ERICH3: variants seen among roughly 807,000 people sequenced by gnomAD.
The protein encoded by ERICH3 is glutamate rich 3, also known as glutamate-rich protein 3.
ERICH3 carries 126 observed loss-of-function variants against 131.1 expected under a neutral mutation model. The observed-to-expected ratio is 0.96, with a 90% CI of 0.83 to 1.11. The LOEUF is 1.11. ERICH3 is among the 50% of genes most tolerant of loss of function. ERICH3 has a pLI of 0.00. For synonymous variants in ERICH3, 695 were observed against 644.6 expected (o/e 1.08, Z -1.18); for missense variants, 2,050 against 1,810.7 (o/e 1.13, Z -2.40).
intron 6 of ERICH3, among the ~76,000 whole-genome samples, chr1:74,635,291 C>A (rs1206938231): frequency 1.3e-5 from 2 of 152,076 alleles, no homozygotes; most frequent in Non-Finnish European, 2.9e-5. Flanking sequence ...GGATTAATTT[C>A]TCTTGGTTTC....
At chr1:74,594,369 C>A (rs1460261982) in intron 11 of ERICH3, among the ~76,000 whole-genome samples, 1 of 151,306 alleles carries the variant, frequency 6.6e-6, no homozygotes, top group Non-Finnish European at 1.5e-5. Context: ...ATACGCCTGA[C>A]CAAGGGCACC....
Position 74,571,640 on chromosome 1 carries a change from C to G in ERICH3, c.4070G>C (p.Arg1357Thr). ...GETAETAAEE[R>T]EVLAGSETAE... The stretch of plus-strand genomic sequence containing the variant: ...TGTCTCCGAACCTGCCAACACCTCC[C>G]TCTCCTCTGCGGCTGTTTCTGCCGT... The change falls in exon 14 of 15, where the codon AGG (arginine) becomes ACG (threonine). Residue 1357 changes from arginine to threonine, a missense_variant. Arg to Thr is a moderately conservative substitution (Grantham distance 71, BLOSUM62 -1). Transcript: ENST00000326665. 1 of 1,614,192 alleles carries G rather than the reference C, an allele frequency of 6.2e-7. No homozygotes were observed. Among genetic ancestry groups the G allele is most frequent in the Admixed American group, 1.7e-5 (1 of 60,038 alleles).
At chr1:74,658,107 G>C (rs1024474416) in intron 1 of ERICH3, among the ~76,000 whole-genome samples, 13 of 152,136 alleles carry the variant, frequency 8.5e-5, no homozygotes, top group African/African-American at 3.1e-4. Flanking sequence ...CAGATGTAGA[G>C]TGGTTAGATA....
intron 9 of ERICH3, 89 bp downstream of exon 9, chr1:74,612,534 A>AT (rs1648745138): frequency 5.0e-6 from 6 of 1,210,266 alleles, no homozygotes; most frequent in Admixed American, 2.6e-5. Flanking sequence ...AATTTCCTTA[A>AT]TAATTGTGAA....
intron 6 of ERICH3, 72 bp from the exon 7 acceptor site, chr1:74,632,000 A>G: frequency 2.2e-6 from 3 of 1,368,932 alleles, no homozygotes; most frequent in Non-Finnish European, 3.0e-6. Flanking sequence ...AAATTTAAAG[A>G]CAAGCCTAAA....
intron 12 of ERICH3, chr1:74,579,761 T>C (rs1480319458): frequency 3.0e-6 from 3 of 985,298 alleles, no homozygotes; most frequent in Non-Finnish European, 3.6e-6. Context: ...TATCACTTTG[T>C]TGCCTCTCTG....
At chr1:74,655,503 C>T (rs1394403701) in intron 1 of ERICH3, among the ~76,000 whole-genome samples, 1 of 152,188 alleles carries the variant, frequency 6.6e-6, no homozygotes, top group East Asian at 1.9e-4. Context: ...TCAACTATTT[C>T]TCACAATGAT....
intron 1 of ERICH3, among the ~76,000 whole-genome samples, chr1:74,656,422 C>T (rs1646584108): frequency 6.6e-6 from 1 of 152,158 alleles, no homozygotes; most frequent in Non-Finnish European, 1.5e-5. Context: ...TTTGAAACAA[C>T]TCCATCACAA....
chr1:74,596,683 C>A (rs1367481321), intron 11 of ERICH3, among the ~76,000 whole-genome samples: 1 of 152,098 alleles, frequency 6.6e-6, no homozygotes, highest in Non-Finnish European at 1.5e-5. Context: ...CTTTTCCCCT[C>A]AACCTTATAA....
In ERICH3 at chr1:74,667,786, C is replaced by A. The variant is rs111640009; in HGVS notation, c.23+5711G>T. 1.4e-3 allele frequency among the ~76,000 whole-genome samples: 219 copies of A among 152,214 alleles called. 1 individual carries two copies. Among genetic ancestry groups the A allele is most frequent in the African/African-American group, 5.1e-3 (211 of 41,514 alleles). On this transcript the variant is annotated intron_variant, in intron 1 of 14. Coordinates refer to ENST00000326665, the MANE Select transcript of ERICH3 (RefSeq NM_001002912.5). ...GAAACCCAAAGACTTTCCTGGGGGA[C>A]CTTGGATAAGGATAGTTGATATCGT...
upstream of ERICH3, among the ~76,000 whole-genome samples, chr1:74,674,265 T>TG (rs1244456555): frequency 2.0e-5 from 3 of 152,112 alleles, no homozygotes; most frequent in Admixed American, 6.5e-5. Context: ...TTTCAGAAGA[T>TG]GGGGGAGACG....
intron 1 of ERICH3, among the ~76,000 whole-genome samples, chr1:74,670,830 T>A (rs747148909): frequency 3.3e-5 from 5 of 152,164 alleles, no homozygotes; most frequent in Non-Finnish European, 5.9e-5. Context: ...CAAATGGACA[T>A]GCAAGTAGGA....
chr1:74,571,870 T>G lies in ERICH3; in HGVS notation c.3840A>C (p.Ile1280=), dbSNP rs1481951918. 1 of 1,611,878 alleles carries G rather than the reference T, an allele frequency of 6.2e-7. No homozygotes were observed. Among genetic ancestry groups the G allele is most frequent in the African/African-American group, 1.3e-5 (1 of 74,936 alleles). ...CTTCCTCCCTGAACTTTTCTGCCAT[T>G]ATGGGATCTTCCTCAGCAACAGCTT... ...TQEAVAEEDP[I]MAEKFREEAV... is the part of the protein sequence containing the mutation. The change falls in exon 14 of 15, where the codon ATA becomes ATC. Residue 1280 remains isoleucine, a synonymous_variant. Transcript: ENST00000326665.
At chr1:74,642,023 G>C (rs1224807027) in intron 4 of ERICH3, among the ~76,000 whole-genome samples, 1 of 152,088 alleles carries the variant, frequency 6.6e-6, no homozygotes, top group Non-Finnish European at 1.5e-5. Context: ...GCTTCATGCA[G>C]TGTGAGTGAC....
chr1:74,650,005 G>T (rs997762158), intron 1 of ERICH3, among the ~76,000 whole-genome samples: 5 of 151,982 alleles, frequency 3.3e-5, no homozygotes, highest in African/African-American at 1.2e-4. Context: ...TGAAGGCCAG[G>T]CCAGGATAGA....
rs1211804302 is a variant in ERICH3, at chr1:74,606,746, G to A, written c.1344C>T (p.Asn448=). The A allele has an allele frequency of 6.2e-7, 1 of 1,613,302 alleles. No homozygotes were observed. Among genetic ancestry groups the A allele is most frequent in the South Asian group, 1.1e-5 (1 of 91,040 alleles). ...VIPKRNEIKE[N]KTSVSAKFSA... is the part of the protein sequence containing the mutation. ...AAAATTTGGCTGAAACAGAGGTTTT[G>A]TTCTCCTTGATCTCATTTCTTTTTG... The change falls in exon 10 of 15, where the codon AAC becomes AAT. Residue 448 remains asparagine (N), a synonymous_variant. Coordinates refer to ENST00000326665, the MANE Select transcript of ERICH3 (RefSeq NM_001002912.5).
At chr1:74,647,422 C>G (rs1278766754) in intron 2 of ERICH3, among the ~76,000 whole-genome samples, 1 of 151,952 alleles carries the variant, frequency 6.6e-6, no homozygotes, top group Non-Finnish European at 1.5e-5. Context: ...CTTCCACTCT[C>G]CAGCCCAAAA....
chr1:74,568,741 CAT>C lies in ERICH3; in HGVS notation c.*1715_*1716del, dbSNP rs1646901394. Reference sequence around the variant, plus strand: ...CAGAAGACAGGAAAAGACAGAGAGACATAGAGAGGCAAAGAAAGAAAGTTCAA... The same window carrying C: ...CAGAAGACAGGAAAAGACAGAGAGACAGAGAGGCAAAGAAAGAAAGTTCAA... On this transcript the variant is annotated 3_prime_UTR_variant, in exon 15 of 15. Coordinates refer to ENST00000326665, the MANE Select transcript of ERICH3 (RefSeq NM_001002912.5). 6.6e-6 allele frequency: 1 copy of C among 152,096 alleles called. No homozygotes were observed. The highest frequency in any genetic ancestry group is 1.5e-5 in the Non-Finnish European group (1 of 68,004). The allele number at this position is 152,096 out of a possible 1,614,324, so 9.4% of individuals were successfully genotyped here. A position where few individuals can be genotyped will look rare whatever the true frequency, so the allele number is the denominator to read the frequency against.
intron 8 of ERICH3, among the ~76,000 whole-genome samples, chr1:74,619,456 G>A (rs993435796): frequency 1.3e-5 from 2 of 152,180 alleles, no homozygotes; most frequent in Non-Finnish European, 2.9e-5. Context: ...AAAAATAAGT[G>A]TATGTATCTA....
Sources: gnomAD v4.1 joint callset for allele counts (sites outside exome capture counted in the v4.1 genomes callset) on GRCh38, gnomAD v4.1.1 for gene constraint, MANE v1.5 for transcripts, NCBI Gene and HGNC (gene_info 2026-07-23, HGNC 2026-07-21) for gene names.